SLCO5A1: variants seen among roughly 807,000 people sequenced by gnomAD.
SLCO5A1 encodes the protein solute carrier organic anion transporter family member 5A1.
Under a neutral mutation model 65.1 loss-of-function variants are expected in SLCO5A1, and 39 were observed. The observed-to-expected ratio is 0.60, with a 90% CI of 0.46 to 0.78. The LOEUF (loss-of-function observed/expected upper bound fraction) is 0.78. Among genes scored for constraint, SLCO5A1 ranks in the 30% least tolerant of loss-of-function variants. SLCO5A1 has a pLI of 0.00. For synonymous variants in SLCO5A1, 438 were observed against 415.7 expected (o/e 1.05, Z -0.65); for missense variants, 1,029 against 1,069.4 (o/e 0.96, Z 0.53).
chr8:69,783,899 C>A (rs574189118), intron 2 of SLCO5A1, among the ~76,000 whole-genome samples: 8 of 151,906 alleles, frequency 5.3e-5, no homozygotes, highest in African/African-American at 1.9e-4. Flanking sequence ...AATTATGAAC[C>A]CTGGATGACA....
chr8:69,676,622 C>G lies in SLCO5A1; in HGVS notation c.2076G>C (p.Leu692Phe). ...RPFALGMQFVLLRTLAYIPTP... is the reference protein window; with the variant it reads ...RPFALGMQFVFLRTLAYIPTP... ...TCAGGGACGTACCAAGTGTTCGCAA[C>G]AAAACAAACTGCATTCCCAGTGCAA... The change falls in exon 9 of 10, where the codon TTG becomes TTC. Residue 692 changes from leucine to phenylalanine, a missense_variant. By Grantham distance (22) the Leu-to-Phe change is conservative. Transcript: ENST00000260126. The G allele has an allele frequency of 6.2e-7, 1 of 1,612,942 alleles. No homozygotes were observed. Among genetic ancestry groups the G allele is most frequent in the Non-Finnish European group, 8.5e-7 (1 of 1,179,482 alleles).
At chr8:69,724,716 C>G (rs1317238046) in intron 5 of SLCO5A1, among the ~76,000 whole-genome samples, 6 of 152,174 alleles carry the variant, frequency 3.9e-5, no homozygotes, top group Non-Finnish European at 4.4e-5. Context: ...GTTAATAACT[C>G]TATCCTGGCC....
intron 2 of SLCO5A1, among the ~76,000 whole-genome samples, chr8:69,822,022 A>T: frequency 6.6e-6 from 1 of 151,982 alleles, no homozygotes; most frequent in East Asian, 1.9e-4. Flanking sequence ...GCTACTTGGG[A>T]GGCTGAGGCA....
intron 5 of SLCO5A1, among the ~76,000 whole-genome samples, chr8:69,710,089 G>C (rs2130815033): frequency 6.7e-6 from 1 of 150,274 alleles, no homozygotes; most frequent in South Asian, 2.1e-4. Flanking sequence ...TGTGAGCTCG[G>C]CTCACAGAAA....
At chr8:69,816,542 C>A (rs1344960373) in intron 2 of SLCO5A1, among the ~76,000 whole-genome samples, 1 of 152,156 alleles carries the variant, frequency 6.6e-6, no homozygotes, top group South Asian at 2.1e-4. Context: ...ACTGCAGGAG[C>A]ACCCAACACA....
rs1818284563 is a variant in SLCO5A1 at position 69,770,648 on chromosome 8, C to T, written c.908-8773G>A. ...AAAAGGCCACCTTCAACAGGGAAAG[C>T]CAGCTCTCCATCTCACCCTGGCCTT... On this transcript the variant is annotated intron_variant, in intron 2 of 9. Coordinates refer to ENST00000260126, the MANE Select transcript of SLCO5A1 (RefSeq NM_030958.3). 3.9e-5 allele frequency among the ~76,000 whole-genome samples: 6 copies of T among 152,184 alleles called. No individual in the cohort carries two copies. In the South Asian group the frequency reaches 1.2e-3, roughly 32 times the overall value.
rs1813262582 is a variant in SLCO5A1 at position 69,669,159 on chromosome 8, T to C, written c.*3710A>G. The C allele has an allele frequency of 6.6e-6, 1 of 152,202 alleles. No homozygotes were observed. 9.4% of individuals were successfully genotyped at this position (152,202 alleles called of 1,614,324 possible). A position where few individuals can be genotyped will look rare whatever the true frequency, so the allele number is the denominator to read the frequency against. On this transcript the variant is annotated 3_prime_UTR_variant, in exon 10 of 10. Transcript: ENST00000260126. ...CTATAAATAAATATTTGAGGTATGT[T>C]ATGACAAATAACTTTAATATAACAC...
chr8:69,778,724 T>A (rs1018547307), intron 2 of SLCO5A1, among the ~76,000 whole-genome samples: 4 of 151,546 alleles, frequency 2.6e-5, no homozygotes, highest in African/African-American at 9.8e-5. Context: ...CAAATCAGTA[T>A]TTTTTTACCT....
chr8:69,793,079 T>C (rs2130894198), intron 2 of SLCO5A1, among the ~76,000 whole-genome samples: 1 of 152,176 alleles, frequency 6.6e-6, no homozygotes, highest in East Asian at 1.9e-4. Context: ...CCTCCTGGGT[T>C]CAAGCGATTT....
chr8:69,813,720 C>T (rs1319276839), intron 2 of SLCO5A1, among the ~76,000 whole-genome samples: 1 of 152,138 alleles, frequency 6.6e-6, no homozygotes, highest in African/African-American at 2.4e-5. Context: ...AGAAAAAGAC[C>T]ACATCAAGTC....
In SLCO5A1 at chr8:69,672,729, T is replaced by G; in HGVS notation, c.*140A>C. 2.3e-6 allele frequency: 2 copies of G among 870,740 alleles called. No homozygotes were observed. Among genetic ancestry groups the G allele is most frequent in the South Asian group, 3.7e-5 (2 of 54,080 alleles). 53.9% of individuals were successfully genotyped at this position (870,740 alleles called of 1,614,324 possible). A position where few individuals can be genotyped will look rare whatever the true frequency, so the allele number is the denominator to read the frequency against. ...TATCCAGCCCTCAATGAATAGCGGC[T>G]GTGTATACTGAGTTTTGTTGGTTTG... On this transcript the variant is annotated 3_prime_UTR_variant, in exon 10 of 10. Coordinates refer to ENST00000260126, the MANE Select transcript of SLCO5A1 (RefSeq NM_030958.3).
At position 69,833,018 on chromosome 8, in the gene SLCO5A1, GCT is replaced by G; in HGVS notation, c.-347_-346del. On this transcript the variant is annotated 5_prime_UTR_variant, in exon 2 of 10. Transcript: ENST00000260126. ...CTCCGCCGCCGCCGCCGCCGCCGCCGCTGGGCCCGCGGCCAGGAGCGAGTGCA... is the reference window on the plus strand; with the variant it reads ...CTCCGCCGCCGCCGCCGCCGCCGCCGGGGCCCGCGGCCAGGAGCGAGTGCA... 3.2e-6 allele frequency: 1 copy of G among 309,086 alleles called. No homozygotes were observed. The highest frequency in any genetic ancestry group is 8.3e-5 in the East Asian group (1 of 11,986). The allele number at this position is 309,086 out of a possible 1,614,324, so 19.1% of individuals were successfully genotyped here.
intron 6 of SLCO5A1, among the ~76,000 whole-genome samples, chr8:69,695,102 T>C (rs1460601949): frequency 1.3e-5 from 2 of 152,200 alleles, no homozygotes; most frequent in Admixed American, 6.5e-5. Flanking sequence ...TTTCAGCATA[T>C]ACAAAGTGCT....
chr8:69,799,201 T>C (rs527722806), intron 2 of SLCO5A1, among the ~76,000 whole-genome samples: 1 of 152,312 alleles, frequency 6.6e-6, no homozygotes, highest in South Asian at 2.1e-4. Context: ...ATTACGTTAT[T>C]GGAGGTATTT....
intron 2 of SLCO5A1, among the ~76,000 whole-genome samples, chr8:69,772,349 C>T (rs1818353965): frequency 6.6e-6 from 1 of 151,250 alleles, no homozygotes; most frequent in Non-Finnish European, 1.5e-5. Context: ...AGTGAGACTT[C>T]ATCTCTACAA....
At chr8:69,716,124 C>T (rs1319326525) in intron 5 of SLCO5A1, among the ~76,000 whole-genome samples, 1 of 152,114 alleles carries the variant, frequency 6.6e-6, no homozygotes, top group Non-Finnish European at 1.5e-5. Flanking sequence ...TTTCAAGGTT[C>T]CTCTGTGTTA....
intron 6 of SLCO5A1, among the ~76,000 whole-genome samples, chr8:69,692,272 T>A (rs1814295855): frequency 1.3e-5 from 2 of 151,918 alleles, no homozygotes; most frequent in South Asian, 4.2e-4. Context: ...GTATAAAAAA[T>A]AAAAAATGAT....
chr8:69,820,441 C>T (rs1377392501), intron 2 of SLCO5A1, among the ~76,000 whole-genome samples: 1 of 152,192 alleles, frequency 6.6e-6, no homozygotes, highest in Non-Finnish European at 1.5e-5. Flanking sequence ...CTGAAAGATA[C>T]ATATATGTAT....
At chr8:69,773,965 T>G (rs1385522475) in intron 2 of SLCO5A1, among the ~76,000 whole-genome samples, 3 of 152,254 alleles carry the variant, frequency 2.0e-5, no homozygotes, top group Admixed American at 2.0e-4. Context: ...CCCACCCTGC[T>G]GCAGTTTTCA....
Sources: allele counts gnomAD v4.1 joint callset (sites outside exome capture counted in the v4.1 genomes callset), GRCh38; gene constraint gnomAD v4.1.1; transcripts MANE v1.5; gene names NCBI Gene and HGNC (gene_info 2026-07-23, HGNC 2026-07-21).